Variants in ST18 observed in about 807,000 individuals in gnomAD.
The protein encoded by ST18 is suppression of tumorigenicity 18 protein.
Under a neutral mutation model 110.0 loss-of-function variants are expected in ST18, and 50 were observed. The observed-to-expected ratio is 0.45, with a 90% CI of 0.36 to 0.58. The LOEUF is 0.58. Among genes scored for constraint, ST18 ranks in the 20% least tolerant of loss-of-function variants. The probability of loss-of-function intolerance (pLI) is 0.00; values close to 1 mark genes in which losing one functional copy is unlikely to be tolerated. For missense variants in ST18, 1,306 were observed against 1,280.1 expected (o/e 1.02, Z -0.31); for synonymous variants, 461 against 452.4 (o/e 1.02, Z -0.24).
chr8:52,133,480 G>T (rs151279604), intron 19 of ST18, among the ~76,000 whole-genome samples, 179 bp from the exon 20 acceptor site: 5 of 152,088 alleles, frequency 3.3e-5, no homozygotes, highest in Admixed American at 2.0e-4. Flanking sequence ...TGCTTTCTGT[G>T]TGAGACTGTT....
chr8:52,230,852 T>G (rs1341682377), intron 2 of ST18, among the ~76,000 whole-genome samples: 1 of 152,056 alleles, frequency 6.6e-6, no homozygotes, highest in East Asian at 1.9e-4. Flanking sequence ...CAGAAAGCTT[T>G]GTCTCACTGA....
chr8:52,376,731 C>T (rs1832533963), intron 2 of ST18, among the ~76,000 whole-genome samples: 1 of 152,104 alleles, frequency 6.6e-6, no homozygotes, highest in Admixed American at 6.5e-5. Flanking sequence ...AGCATTCAAG[C>T]CACACCTGTT....
intron 2 of ST18, among the ~76,000 whole-genome samples, chr8:52,350,380 T>A (rs1256037710): frequency 6.6e-6 from 1 of 152,040 alleles, no homozygotes; most frequent in East Asian, 1.9e-4. Flanking sequence ...ATTCTGGTGA[T>A]CTCCTGTGTA....
At position 52,325,278 on chromosome 8, in the gene ST18, C is replaced by G. The variant is rs142554697; in HGVS notation, c.-465+84050G>C. Reference sequence around the variant, plus strand: ...CTTAACGACTAATTTGATGTAGCTCCAAGTCTGGGTACCTGAGAAAATGAT... The same window carrying G: ...CTTAACGACTAATTTGATGTAGCTCGAAGTCTGGGTACCTGAGAAAATGAT... On this transcript the variant is annotated intron_variant, in intron 2 of 25. Transcript: ENST00000689386. 6.9e-3 allele frequency among the ~76,000 whole-genome samples: 1,052 copies of G among 152,178 alleles called. 17 individuals carry two copies. Among genetic ancestry groups the G allele is most frequent in the African/African-American group, 0.024 (1,011 of 41,546 alleles).
intron 2 of ST18, among the ~76,000 whole-genome samples, chr8:52,305,159 T>A (rs528511091): frequency 1.3e-5 from 2 of 152,308 alleles, no homozygotes; most frequent in East Asian, 3.9e-4. Flanking sequence ...AGCATAAGAA[T>A]AAAATAGTTC....
intron 16 of ST18, among the ~76,000 whole-genome samples, chr8:52,149,474 GCAGGGCACAAAATTT>G (rs752082159): frequency 6.6e-6 from 1 of 152,200 alleles, no homozygotes; most frequent in Admixed American, 6.5e-5. Flanking sequence ...AATCTCTTGT[GCAGGGCACAAAATTT>G]CAGCCTTAAT....
chr8:52,336,695 G>A lies in ST18; in HGVS notation c.-465+72633C>T, dbSNP rs537170191. On this transcript the variant is annotated intron_variant, in intron 2 of 25. Coordinates refer to ENST00000689386, the MANE Select transcript of ST18 (RefSeq NM_001352837.2). Reference sequence around the variant, plus strand: ...AAGCGGGTAGACCTAGTGACGTCTTGCTTCCTAGCTTGTCAGTGATACATG... The same window carrying A: ...AAGCGGGTAGACCTAGTGACGTCTTACTTCCTAGCTTGTCAGTGATACATG... 4.6e-5 allele frequency among the ~76,000 whole-genome samples: 7 copies of A among 152,314 alleles called. No homozygotes were observed. In the South Asian group the frequency reaches 1.2e-3, roughly 27 times the overall value.
intron 17 of ST18, among the ~76,000 whole-genome samples, chr8:52,138,048 C>T (rs982243080): frequency 3.6e-5 from 5 of 140,842 alleles, no homozygotes; most frequent in Non-Finnish European, 7.5e-5. Context: ...TGTGGTGAGC[C>T]GAGATTGCAC....
At chr8:52,282,460 CG>C (rs1019275140) in intron 2 of ST18, among the ~76,000 whole-genome samples, 4 of 152,002 alleles carry the variant, frequency 2.6e-5, no homozygotes, top group Admixed American at 2.6e-4. Context: ...CTGTGGGCAA[CG>C]GGGGGTTCAA....
At chr8:52,213,404 A>T (rs2082926038) in intron 7 of ST18, among the ~76,000 whole-genome samples, 1 of 114,666 alleles carries the variant, frequency 8.7e-6, no homozygotes, top group African/African-American at 3.4e-5. Context: ...AAAGGGCTGC[A>T]GGGTCACGGC....
chr8:52,168,775 GATAT>G (rs1051470374), intron 10 of ST18, among the ~76,000 whole-genome samples: 7 of 152,106 alleles, frequency 4.6e-5, no homozygotes, highest in African/African-American at 1.4e-4. Context: ...ATGATTTGTG[GATAT>G]ATGTTTTATT....
chr8:52,167,187 T>C (rs942776270), intron 10 of ST18, among the ~76,000 whole-genome samples: 13 of 152,134 alleles, frequency 8.5e-5, no homozygotes, highest in African/African-American at 3.1e-4. Context: ...GTTTCCTAAG[T>C]AAAGGCTGAC....
chr8:52,216,409 A>G (rs1228693666), intron 6 of ST18, among the ~76,000 whole-genome samples: 2 of 152,214 alleles, frequency 1.3e-5, no homozygotes, highest in African/African-American at 4.8e-5. Flanking sequence ...TATCCTATAC[A>G]AACATATTTA....
intron 2 of ST18, among the ~76,000 whole-genome samples, chr8:52,367,556 A>C (rs1415772432): frequency 1.3e-5 from 2 of 152,216 alleles, no homozygotes; most frequent in Non-Finnish European, 2.9e-5. Flanking sequence ...TCTTTCTGGA[A>C]AATGTGTGTG....
At chr8:52,154,934 G>T (rs906965867) in intron 15 of ST18, 1 of 151,784 alleles carries the variant, frequency 6.6e-6, no homozygotes, top group Non-Finnish European at 1.5e-5. Flanking sequence ...TGGTATTGTG[G>T]CTCACACCTG....
chr8:52,212,044 A>G, intron 8 of ST18, 35 bp downstream of exon 8: 1 of 1,592,416 alleles, frequency 6.3e-7, no homozygotes, highest in Non-Finnish European at 8.6e-7. Flanking sequence ...AAGGCCCATT[A>G]ATGTGAAAAA....
intron 8 of ST18, among the ~76,000 whole-genome samples, chr8:52,185,560 G>A (rs1276322416): frequency 6.6e-6 from 1 of 152,134 alleles, no homozygotes; most frequent in East Asian, 1.9e-4. Flanking sequence ...AGGTATTATT[G>A]GTGCAAATAT....
chr8:52,262,386 G>A (rs1423832761), intron 2 of ST18, among the ~76,000 whole-genome samples: 1 of 152,178 alleles, frequency 6.6e-6, no homozygotes, highest in Non-Finnish European at 1.5e-5. Context: ...AGCAGTATAT[G>A]TATATGGAAC....
At chr8:52,324,148 C>A (rs1170593941) in intron 2 of ST18, among the ~76,000 whole-genome samples, 1 of 152,170 alleles carries the variant, frequency 6.6e-6, no homozygotes, top group Non-Finnish European at 1.5e-5. Flanking sequence ...GTGTTTGGGT[C>A]CCTTCTGAGC....
Sources: allele counts gnomAD v4.1 joint callset (sites outside exome capture counted in the v4.1 genomes callset), GRCh38; gene constraint gnomAD v4.1.1; transcripts MANE v1.5; gene names NCBI Gene and HGNC (gene_info 2026-07-23, HGNC 2026-07-21).